The following PCDH17 variants were observed in gnomAD, a reference collection of about 807,000 sequenced individuals.
The protein encoded by PCDH17 is protocadherin 17, also known as protocadherin-17.
A neutral mutation model predicts 67.7 loss-of-function variants in PCDH17; 21 were observed. The ratio of observed to expected loss-of-function variants is 0.31; its 90% confidence interval spans 0.22 to 0.45. The LOEUF (loss-of-function observed/expected upper bound fraction) is 0.45, where lower values mean the gene tolerates loss of function less well. Ranked by LOEUF, PCDH17 falls within the 20% of genes least tolerant of loss-of-function variation. The pLI is 1.00. For missense variants in PCDH17, 1,471 were observed against 1,564.8 expected (o/e 0.94, Z 1.01); for synonymous variants, 701 against 656.7 (o/e 1.07, Z -1.03).
rs1189951253 is a variant in PCDH17 at position 57,726,731 on chromosome 13, CTTCTTCATGT to C, written c.*1440_*1449del. 1.1e-4 allele frequency: 16 copies of C among 152,346 alleles called. No individual in the cohort carries two copies. The highest frequency in any genetic ancestry group is 9.2e-4 in the Admixed American group (14 of 15,278). 9.4% of individuals were successfully genotyped at this position (152,346 alleles called of 1,614,324 possible). A position where few individuals can be genotyped will look rare whatever the true frequency, so the allele number is the denominator to read the frequency against. ...TTGACATTTGTACCAATATCTGAAA[CTTCTTCATGT>C]TTTTTCAATAACATACAGCTTCTGC... On this transcript the variant is annotated 3_prime_UTR_variant, in exon 4 of 4. Transcript: ENST00000377918.
chr13:57,630,472 G>A (rs556436035), upstream of PCDH17, among the ~76,000 whole-genome samples: 1 of 152,154 alleles, frequency 6.6e-6, no homozygotes, highest in South Asian at 2.1e-4. Flanking sequence ...GCTAAGCTGG[G>A]AACAATTACT....
At chr13:57,668,406 T>C (rs1179019227) in intron 3 of PCDH17, among the ~76,000 whole-genome samples, 1 of 152,056 alleles carries the variant, frequency 6.6e-6, no homozygotes, top group East Asian at 1.9e-4. Context: ...TCTGTTAATT[T>C]TTTAAAAAGA....
rs563561008 is a variant in PCDH17 at position 57,640,306 on chromosome 13, C to G, written c.2565+5195C>G. On this transcript the variant is annotated intron_variant, in intron 1 of 3. Transcript: ENST00000377918. The stretch of plus-strand genomic sequence containing the variant: ...AATATATTTAAGATTAATGAAAATT[C>G]ACATGCATTTATTGCAGTGAAATTT... 2.0e-5 allele frequency among the ~76,000 whole-genome samples: 3 copies of G among 151,968 alleles called. No individual in the cohort carries two copies. In the East Asian group the frequency reaches 5.8e-4, roughly 29 times the overall value.
At chr13:57,681,651 A>G (rs1955451541) in intron 3 of PCDH17, among the ~76,000 whole-genome samples, 1 of 151,836 alleles carries the variant, frequency 6.6e-6, no homozygotes, top group African/African-American at 2.4e-5. Context: ...AAATAATTTA[A>G]TTTCTATATA....
intron 1 of PCDH17, among the ~76,000 whole-genome samples, chr13:57,649,351 CT>C (rs1955008136): frequency 6.6e-6 from 1 of 152,078 alleles, no homozygotes; most frequent in African/African-American, 2.4e-5. Flanking sequence ...TTTCCTAAAG[CT>C]TTTTAATTTG....
At chr13:57,665,188 C>G (rs1955234929) in intron 1 of PCDH17, among the ~76,000 whole-genome samples, 2 of 125,974 alleles carry the variant, frequency 1.6e-5, no homozygotes, top group South Asian at 6.3e-4. Context: ...GGGTTTCTGT[C>G]CCCAAACTTG....
In PCDH17 at chr13:57,634,529, G is replaced by A. The variant is rs1297211505; in HGVS notation, c.1983G>A (p.Leu661=). The A allele has an allele frequency of 6.2e-7, 1 of 1,613,010 alleles. No homozygotes were observed. The highest frequency in any genetic ancestry group is 8.5e-7 in the Non-Finnish European group (1 of 1,180,012). ...AGGACGTGACGCCCGTGGTGGAGCT[G>A]GTGGTGAAGGTGACCGACCACGGCA... ...FWEDVTPVVE[L]VVKVTDHGKP... The change falls in exon 1 of 4, where the codon CTG becomes CTA. Residue 661 remains leucine (L), a synonymous_variant. Coordinates refer to ENST00000377918, the MANE Select transcript of PCDH17 (RefSeq NM_001040429.3). The surrounding 1 kb of genome is among the most constrained non-coding windows in gnomAD (Gnocchi z 7.8).
chr13:57,664,518 T>C (rs766431835), intron 1 of PCDH17, among the ~76,000 whole-genome samples: 1 of 152,190 alleles, frequency 6.6e-6, no homozygotes, highest in Non-Finnish European at 1.5e-5. Context: ...GACTATTTCC[T>C]TGTGTCTAAA....
intron 1 of PCDH17, among the ~76,000 whole-genome samples, chr13:57,636,290 C>T (rs920803532): frequency 3.3e-5 from 5 of 152,028 alleles, no homozygotes; most frequent in African/African-American, 7.2e-5. Flanking sequence ...AAAGTGACAC[C>T]GCAAGAGGAA....
intron 1 of PCDH17, among the ~76,000 whole-genome samples, chr13:57,651,634 G>A (rs1282020000): frequency 6.6e-6 from 1 of 151,922 alleles, no homozygotes; most frequent in African/African-American, 2.4e-5. Flanking sequence ...CACAATGCCT[G>A]GGATTCTATT....
At chr13:57,699,409 G>A (rs550586676) in intron 3 of PCDH17, among the ~76,000 whole-genome samples, 1 of 152,082 alleles carries the variant, frequency 6.6e-6, no homozygotes, top group South Asian at 2.1e-4. Flanking sequence ...TTACTCAAGT[G>A]AGCGGCACCA....
chr13:57,722,926 AC>A (rs1338354173), intron 3 of PCDH17, among the ~76,000 whole-genome samples: 1 of 151,850 alleles, frequency 6.6e-6, no homozygotes, highest in Non-Finnish European at 1.5e-5. Context: ...AACTTCTGAT[AC>A]CCCCTTTTAA....
chr13:57,670,512 T>C (rs886153613), intron 3 of PCDH17, among the ~76,000 whole-genome samples: 7 of 150,968 alleles, frequency 4.6e-5, no homozygotes, highest in South Asian at 2.1e-4. Context: ...TACACAGATT[T>C]CAATTAAAAT....
At chr13:57,682,143 C>A (rs1013369793) in intron 3 of PCDH17, among the ~76,000 whole-genome samples, 7 of 151,892 alleles carry the variant, frequency 4.6e-5, no homozygotes, top group African/African-American at 1.7e-4. Flanking sequence ...TATCCCAAGC[C>A]CTCCCCAGCC....
intron 3 of PCDH17, among the ~76,000 whole-genome samples, chr13:57,687,896 T>C (rs1052551463): frequency 1.3e-5 from 2 of 152,004 alleles, no homozygotes; most frequent in Admixed American, 1.3e-4. Flanking sequence ...ACGTGGCAGA[T>C]TGTCCTCCAC....
At chr13:57,673,681 A>G (rs1955353275) in intron 3 of PCDH17, among the ~76,000 whole-genome samples, 1 of 151,954 alleles carries the variant, frequency 6.6e-6, no homozygotes, top group Non-Finnish European at 1.5e-5. Context: ...TTGAATATTT[A>G]ACACCAGAAA....
At chr13:57,651,421 G>T (rs949484459) in intron 1 of PCDH17, among the ~76,000 whole-genome samples, 3 of 146,016 alleles carry the variant, frequency 2.1e-5, no homozygotes, top group African/African-American at 7.6e-5. Context: ...GAGTGCAGTG[G>T]CACGATCTCG....
At chr13:57,676,497 G>A (rs964652254) in intron 3 of PCDH17, among the ~76,000 whole-genome samples, 8 of 151,854 alleles carry the variant, frequency 5.3e-5, no homozygotes, top group Non-Finnish European at 1.2e-4. Context: ...GGCAATTACA[G>A]TTTGGCAATC....
At chr13:57,685,964 C>A (rs1250934630) in intron 3 of PCDH17, among the ~76,000 whole-genome samples, 2 of 151,730 alleles carry the variant, frequency 1.3e-5, no homozygotes, top group African/African-American at 4.8e-5. Context: ...TGGCATGCAC[C>A]TTTAGTCCAA....
Sources: allele counts gnomAD v4.1 joint callset (sites outside exome capture counted in the v4.1 genomes callset), GRCh38; gene constraint gnomAD v4.1.1; non-coding constraint Gnocchi (gnomAD v3.1); transcripts MANE v1.5; gene names NCBI Gene and HGNC (gene_info 2026-07-23, HGNC 2026-07-21).